Variants in CYB5B observed in about 807,000 individuals in gnomAD.
The protein encoded by CYB5B is cytochrome b5 type B (outer mitochondrial membrane).
Under a neutral mutation model 21.3 loss-of-function variants are expected in CYB5B, and 14 were observed. The observed-to-expected ratio is 0.66, with a 90% CI of 0.43 to 1.03. The LOEUF (loss-of-function observed/expected upper bound fraction) is 1.03, where lower values mean the gene tolerates loss of function less well. Ranked by LOEUF, CYB5B falls within the 50% of genes least tolerant of loss-of-function variation. The pLI is 0.00. For synonymous variants in CYB5B, 69 were observed against 68.4 expected, an observed-to-expected ratio of 1.01 and a Z score of -0.04; for missense variants, 166 against 185.1, an observed-to-expected ratio of 0.90 and a Z score of 0.60.
intron 1 of CYB5B, among the ~76,000 whole-genome samples, chr16:69,434,773 G>C (rs2014742440): frequency 6.7e-6 from 1 of 148,534 alleles, no homozygotes; most frequent in South Asian, 2.1e-4. Context: ...TGAGGCAGGA[G>C]AATCGCTTGA....
intron 1 of CYB5B, among the ~76,000 whole-genome samples, chr16:69,433,281 A>G (rs1272915127): frequency 1.3e-5 from 2 of 152,024 alleles, no homozygotes; most frequent in African/African-American, 4.8e-5. Context: ...AATTTTTTTC[A>G]TTTTTTAAGT....
In CYB5B at chr16:69,459,136, A is replaced by T. The variant is rs746246043; in HGVS notation, c.362+15A>T. 6 of 1,604,600 alleles carry T rather than the reference A, an allele frequency of 3.7e-6. No homozygotes were observed. The highest frequency in any genetic ancestry group is 2.7e-5 in the African/African-American group (2 of 73,806). On this transcript the variant is annotated intron_variant, in intron 4 of 4. Coordinates refer to ENST00000307892, the MANE Select transcript of CYB5B (RefSeq NM_030579.3). ...ACATGCAAAAGGTTAGTATCTCCTT[A>T]ACAGCTTTCCATACGTTCAAGGTAA...
intron 1 of CYB5B, among the ~76,000 whole-genome samples, 159 bp from the exon 2 acceptor site, chr16:69,446,991 T>C (rs1034079906): frequency 5.9e-5 from 9 of 152,240 alleles, no homozygotes; most frequent in Non-Finnish European, 1.2e-4. Context: ...ACAGAAGTTA[T>C]GCTGTGTTCT....
intron 1 of CYB5B, among the ~76,000 whole-genome samples, chr16:69,427,362 C>T (rs1480800211): frequency 2.7e-4 from 41 of 151,860 alleles, no homozygotes; most frequent in Admixed American, 2.7e-3. Flanking sequence ...AGCATTAATT[C>T]AGTCTCAAGT....
At chr16:69,427,686 T>A (rs1033163105) in intron 1 of CYB5B, among the ~76,000 whole-genome samples, 1 of 152,136 alleles carries the variant, frequency 6.6e-6, no homozygotes, top group African/African-American at 2.4e-5. Flanking sequence ...GGCTAATTTT[T>A]AAAATTTTTT....
chr16:69,434,972 T>C (rs1337938033), intron 1 of CYB5B, among the ~76,000 whole-genome samples: 1 of 152,228 alleles, frequency 6.6e-6, no homozygotes, highest in African/African-American at 2.4e-5. Context: ...CATGGGCTTA[T>C]TGGCCATTTA....
chr16:69,462,856 TTTGA>T lies in CYB5B; in HGVS notation c.*340_*343del, dbSNP rs71710859. 0.068 allele frequency: 14,712 copies of T among 215,778 alleles called. 723 individuals carry two copies. Among genetic ancestry groups the T allele is most frequent in the Middle Eastern group, 0.14 (75 of 546 alleles). The allele number at this position is 215,778 out of a possible 1,614,324, so 13.4% of individuals were successfully genotyped here. On this transcript the variant is annotated 3_prime_UTR_variant, in exon 5 of 5. Coordinates refer to ENST00000307892, the MANE Select transcript of CYB5B (RefSeq NM_030579.3). ...GGTAAAAATGCCTGCTTTCCAATAC[TTTGA>T]TTGCATATTAGACATTCTTAACAGG...
chr16:69,436,938 G>A (rs1035828499), intron 1 of CYB5B, among the ~76,000 whole-genome samples: 2 of 152,032 alleles, frequency 1.3e-5, no homozygotes, highest in Non-Finnish European at 2.9e-5. Context: ...TAAGGAATTT[G>A]TCCTCTTCTT....
intron 1 of CYB5B, among the ~76,000 whole-genome samples, chr16:69,438,365 A>G (rs993166736): frequency 3.3e-5 from 5 of 152,218 alleles, no homozygotes; most frequent in Non-Finnish European, 7.3e-5. Context: ...ACATTGGTGT[A>G]CAAGTATCTG....
At chr16:69,436,545 C>T (rs767226300) in intron 1 of CYB5B, among the ~76,000 whole-genome samples, 2 of 152,176 alleles carry the variant, frequency 1.3e-5, no homozygotes, top group African/African-American at 2.4e-5. Flanking sequence ...CTGTTCACCC[C>T]CCAGGTCTGT....
intron 3 of CYB5B, among the ~76,000 whole-genome samples, chr16:69,454,226 G>A (rs2014962030): frequency 6.6e-6 from 1 of 152,074 alleles, no homozygotes; most frequent in African/African-American, 2.4e-5. Flanking sequence ...TGTTTTAGGG[G>A]CTGTTTTTCA....
At chr16:69,444,922 A>G (rs1229314144) in intron 1 of CYB5B, among the ~76,000 whole-genome samples, 2 of 152,222 alleles carry the variant, frequency 1.3e-5, no homozygotes, top group East Asian at 1.9e-4. Context: ...CACAGCGAAT[A>G]TATAACTTTT....
At chr16:69,431,539 A>G (rs1259503429) in intron 1 of CYB5B, among the ~76,000 whole-genome samples, 1 of 152,178 alleles carries the variant, frequency 6.6e-6, no homozygotes, top group East Asian at 2.0e-4. Context: ...TGGGAAGCCA[A>G]GGTGGACAGA....
At chr16:69,447,414 G>A in intron 2 of CYB5B, 136 bp downstream of exon 2, 1 of 1,199,954 alleles carries the variant, frequency 8.3e-7, no homozygotes, top group Non-Finnish European at 1.1e-6. Context: ...TGCCAAGGCA[G>A]GCGGATCACT....
intron 1 of CYB5B, among the ~76,000 whole-genome samples, chr16:69,444,654 C>T (rs1276721991): frequency 2.0e-5 from 3 of 151,822 alleles, no homozygotes; most frequent in Non-Finnish European, 4.4e-5. Context: ...CTGACCCCCA[C>T]TTGCTTCAGT....
intron 1 of CYB5B, among the ~76,000 whole-genome samples, chr16:69,430,466 C>T (rs916759571): frequency 4.6e-5 from 7 of 151,946 alleles, no homozygotes; most frequent in South Asian, 2.1e-4. Flanking sequence ...GTGATCCTTC[C>T]GCCTTGGCCT....
intron 1 of CYB5B, 114 bp from the exon 2 acceptor site, chr16:69,447,036 A>C (rs1500301): frequency 4.2e-5 from 54 of 1,271,952 alleles, no homozygotes; most frequent in Non-Finnish European, 3.3e-6. Flanking sequence ...ACACAATGTC[A>C]ATTTGTTCCA....
At chr16:69,457,494 C>A (rs1400077910) in intron 3 of CYB5B, among the ~76,000 whole-genome samples, 1 of 152,006 alleles carries the variant, frequency 6.6e-6, no homozygotes, top group Non-Finnish European at 1.5e-5. Context: ...TGATGGAATT[C>A]AATTATTTCT....
Position 69,432,649 on chromosome 16 carries a change from T to C in CYB5B, c.174+7792T>C, listed in dbSNP as rs180725892. 3.3e-5 allele frequency among the ~76,000 whole-genome samples: 5 copies of C among 152,344 alleles called. No homozygotes were observed. The East Asian group carries it at 9.6e-4, about 29-fold the overall frequency. ...AGTATTTATTGAGTGCTTATTATTC[T>C]AAGTGCTTTACATGTAATTTCTCTT... is the stretch of plus-strand genomic sequence containing the variant. On this transcript the variant is annotated intron_variant, in intron 1 of 4. Coordinates refer to ENST00000307892, the MANE Select transcript of CYB5B (RefSeq NM_030579.3).
Sources: allele counts gnomAD v4.1 joint callset (sites outside exome capture counted in the v4.1 genomes callset), GRCh38; gene constraint gnomAD v4.1.1; transcripts MANE v1.5; gene names NCBI Gene and HGNC (gene_info 2026-07-23, HGNC 2026-07-21).